PCSK6: variants seen among roughly 807,000 people sequenced by gnomAD.
PCSK6 encodes the protein proprotein convertase subtilisin/kexin type 6, also known as paired basic amino acid cleaving enzyme 4.
A neutral mutation model predicts 123.3 loss-of-function variants in PCSK6; 85 were observed. The ratio of observed to expected loss-of-function variants is 0.69; its 90% CI spans 0.58 to 0.83. The LOEUF (loss-of-function observed/expected upper bound fraction) is 0.83. Ranked by LOEUF, PCSK6 falls within the 40% of genes least tolerant of loss-of-function variation. PCSK6 has a pLI of 0.00. For synonymous variants in PCSK6, 508 were observed against 516.0 expected, an observed-to-expected ratio of 0.98 and a Z score of 0.21; for missense variants, 1,191 against 1,282.3, an observed-to-expected ratio of 0.93 and a Z score of 1.09.
chr15:101,470,752 T>C (rs542875495), intron 1 of PCSK6, among the ~76,000 whole-genome samples: 3 of 152,334 alleles, frequency 2.0e-5, no homozygotes, highest in South Asian at 2.1e-4. Context: ...GTCTGACCGC[T>C]GTGTCTTTGC....
intron 13 of PCSK6, among the ~76,000 whole-genome samples, chr15:101,349,028 A>G (rs1377513144): frequency 2.6e-5 from 4 of 152,194 alleles, no homozygotes; most frequent in Non-Finnish European, 4.4e-5. Context: ...TTCTGACTAG[A>G]CCTTCCTTGA....
intron 1 of PCSK6, among the ~76,000 whole-genome samples, chr15:101,444,387 C>T (rs1203962202): frequency 6.6e-6 from 1 of 152,110 alleles, no homozygotes; most frequent in East Asian, 1.9e-4. Flanking sequence ...TATCGGAGGC[C>T]TGCTTCTTGG....
At chr15:101,444,202 C>T (rs1022949192) in intron 1 of PCSK6, among the ~76,000 whole-genome samples, 6 of 152,150 alleles carry the variant, frequency 3.9e-5, no homozygotes, top group East Asian at 1.9e-4. Flanking sequence ...TCTAAACCTC[C>T]GAGGTGTCCC....
chr15:101,469,273 G>A (rs2057543602), intron 1 of PCSK6, among the ~76,000 whole-genome samples: 2 of 152,200 alleles, frequency 1.3e-5, no homozygotes, highest in South Asian at 4.1e-4. Flanking sequence ...AGCTGGGGGA[G>A]AGGATAATAA....
chr15:101,366,134 C>T (rs987326955), intron 13 of PCSK6, 62 bp downstream of exon 13: 7 of 1,520,346 alleles, frequency 4.6e-6, no homozygotes, highest in African/African-American at 2.8e-5. Flanking sequence ...TTAAATAAGG[C>T]CCAGAGGTAA....
chr15:101,409,845 C>A (rs1170441519), intron 6 of PCSK6, among the ~76,000 whole-genome samples: 1 of 152,214 alleles, frequency 6.6e-6, no homozygotes, highest in Non-Finnish European at 1.5e-5. Context: ...TCAAAGGATG[C>A]CGCATGGGGC....
chr15:101,457,440 G>C (rs2057216330), intron 1 of PCSK6, among the ~76,000 whole-genome samples: 1 of 152,240 alleles, frequency 6.6e-6, no homozygotes, highest in South Asian at 2.1e-4. Context: ...GGCACACAGA[G>C]AGCAGCCCCA....
chr15:101,392,149 T>G (rs954321611), intron 8 of PCSK6, among the ~76,000 whole-genome samples: 1 of 152,244 alleles, frequency 6.6e-6, no homozygotes, highest in Non-Finnish European at 1.5e-5. Context: ...TTTGGCCAAC[T>G]GTCTGTCTAA....
intron 1 of PCSK6, among the ~76,000 whole-genome samples, chr15:101,457,500 A>G (rs1215410891): frequency 6.6e-6 from 1 of 152,228 alleles, no homozygotes; most frequent in Non-Finnish European, 1.5e-5. Context: ...AGTATTTCTT[A>G]AAGAAAAGAA....
chr15:101,381,846 C>T (rs2041917334), intron 11 of PCSK6, among the ~76,000 whole-genome samples: 1 of 152,258 alleles, frequency 6.6e-6, no homozygotes, highest in South Asian at 2.1e-4. Flanking sequence ...AGGAACTGAT[C>T]CCCTATCGTG....
chr15:101,391,227 T>G (rs2141544217), intron 8 of PCSK6, among the ~76,000 whole-genome samples: 1 of 152,312 alleles, frequency 6.6e-6, no homozygotes, highest in Non-Finnish European at 1.5e-5. Context: ...CATATGCAAA[T>G]GGACACCATG....
rs1487153376 is a variant in PCSK6 at position 101,324,656 on chromosome 15, G to A, written c.2377+194C>T. 3.9e-5 allele frequency among the ~76,000 whole-genome samples: 6 copies of A among 152,198 alleles called. No individual in the cohort carries two copies. The South Asian group carries it at 1.2e-3, about 31-fold the overall frequency. ...GAACTTCTCCTGGCCAGGTCTGTGG[G>A]GAAGTGCTATTAACTAACAGGTCTG... is the stretch of plus-strand genomic sequence containing the variant. On this transcript the variant is annotated intron_variant, in intron 17 of 21. Transcript: ENST00000611716.
At chr15:101,337,731 C>T (rs1294513154) in intron 13 of PCSK6, among the ~76,000 whole-genome samples, 3 of 152,200 alleles carry the variant, frequency 2.0e-5, no homozygotes, top group Non-Finnish European at 4.4e-5. Context: ...ACATGTCTCT[C>T]TTGTTTGGTG....
chr15:101,428,720 T>C (rs940754111), intron 5 of PCSK6, among the ~76,000 whole-genome samples: 5 of 152,230 alleles, frequency 3.3e-5, no homozygotes, highest in Admixed American at 3.3e-4. Flanking sequence ...ATGGGAATCA[T>C]TGATTCAAAT....
At chr15:101,355,976 C>A (rs1450881830) in intron 13 of PCSK6, among the ~76,000 whole-genome samples, 1 of 152,178 alleles carries the variant, frequency 6.6e-6, no homozygotes, top group South Asian at 2.1e-4. Context: ...GGAGACCCAG[C>A]GCAGAGGCCA....
In PCSK6 at chr15:101,326,428, T is replaced by A. The variant is rs548799186; in HGVS notation, c.2129A>T (p.Asp710Val). ...GAAGTGGACGCAGTTCAAGCACTGG[T>A]CTGCATTGGGGCCATCACAGCCTTT... ...GDKGCDGPNA[D>V]QCLNCVHFSL... Residue 710 changes from aspartate (D) to valine (V), a missense_variant, in exon 16 of 22, where the codon GAC becomes GTC. By Grantham distance (152) the Asp-to-Val change is radical. Transcript: ENST00000611716. 1.3e-6 allele frequency: 2 copies of A among 1,586,762 alleles called. No homozygotes were observed. The highest frequency in any genetic ancestry group is 1.8e-5 in the Admixed American group (1 of 56,280).
intron 7 of PCSK6, among the ~76,000 whole-genome samples, chr15:101,395,811 C>T (rs1345719741): frequency 6.6e-6 from 1 of 152,210 alleles, no homozygotes; most frequent in African/African-American, 2.4e-5. Flanking sequence ...ACACCGGCCA[C>T]CTGGACGCGG....
intron 15 of PCSK6, 53 bp downstream of exon 15, chr15:101,331,598 G>T: frequency 6.4e-7 from 1 of 1,555,272 alleles, no homozygotes; most frequent in Non-Finnish European, 8.8e-7. Flanking sequence ...TATAGACCCT[G>T]CTCTCCCAGC....
chr15:101,476,352 G>A lies in PCSK6; in HGVS notation c.297+13022C>T, dbSNP rs1290477084. On this transcript the variant is annotated intron_variant, in intron 1 of 21. Coordinates refer to ENST00000611716, the MANE Select transcript of PCSK6 (RefSeq NM_002570.5). ...AACCACTGCAACACTGCTTATAACA[G>A]AAAAAAACTGGAGGCAAATCAAAGG... Among the ~76,000 whole-genome samples the A allele has an allele frequency of 2.0e-5, 3 of 151,994 alleles. No homozygotes were observed. The East Asian group carries it at 5.8e-4, about 29-fold the overall frequency.
Sources: gnomAD v4.1 joint callset for allele counts (sites outside exome capture counted in the v4.1 genomes callset) on GRCh38, gnomAD v4.1.1 for gene constraint, MANE v1.5 for transcripts, NCBI Gene and HGNC (gene_info 2026-07-23, HGNC 2026-07-21) for gene names.